The following LOXHD1 variants were observed in gnomAD, a reference collection of about 807,000 sequenced individuals.
The protein encoded by LOXHD1 is lipoxygenase homology domain-containing protein 1.
In LOXHD1, 205 loss-of-function variants were observed where a neutral mutation model predicts 248.2. The ratio of observed to expected loss-of-function variants is 0.83; its 90% confidence interval spans 0.74 to 0.93. LOXHD1 has a LOEUF of 0.93. LOXHD1 is among the 40% of genes least tolerant of loss of function. The pLI, the probability that LOXHD1 is intolerant of heterozygous loss-of-function variation, is 0.00. For synonymous variants in LOXHD1, 1,113 were observed against 1,162.8 expected (o/e 0.96, Z 0.87); for missense variants, 2,930 against 2,971.6 (o/e 0.99, Z 0.33).
At chr18:46,552,130 C>A (rs895483238) in intron 21 of LOXHD1, among the ~76,000 whole-genome samples, 1 of 152,118 alleles carries the variant, frequency 6.6e-6, no homozygotes, top group Non-Finnish European at 1.5e-5. Flanking sequence ...ATCTGATACA[C>A]AACAATGTGA....
intron 34 of LOXHD1, among the ~76,000 whole-genome samples, chr18:46,510,481 C>T (rs944097712): frequency 6.6e-6 from 1 of 152,120 alleles, no homozygotes; most frequent in Non-Finnish European, 1.5e-5. Flanking sequence ...TATCTTTATT[C>T]CTTACTGCTC....
intron 32 of LOXHD1, among the ~76,000 whole-genome samples, 177 bp from the exon 33 acceptor site, chr18:46,521,459 C>T (rs1425511968): frequency 6.6e-6 from 1 of 152,180 alleles, no homozygotes; most frequent in Non-Finnish European, 1.5e-5. Flanking sequence ...AATTAGGTGA[C>T]TTTGAGTAGT....
chr18:46,483,508 T>G, intron 40 of LOXHD1, 79 bp downstream of exon 40: 1 of 1,515,886 alleles, frequency 6.6e-7, no homozygotes, highest in East Asian at 2.5e-5. Context: ...CATACCCTGC[T>G]CTCTTGCCCA....
At chr18:46,563,373 G>C (rs1345112743) in intron 17 of LOXHD1, 148 bp from the exon 18 acceptor site, 2 of 752,742 alleles carry the variant, frequency 2.7e-6, no homozygotes, top group African/African-American at 3.5e-5. Context: ...AACACCCTGA[G>C]TAAGCACAAT....
At chr18:46,535,728 G>A (rs184685745) in intron 26 of LOXHD1, among the ~76,000 whole-genome samples, 88 of 152,150 alleles carry the variant, frequency 5.8e-4, no homozygotes, top group Admixed American at 2.6e-3. Context: ...CTGCCACCAC[G>A]CCCAGCTAAA....
intron 40 of LOXHD1, among the ~76,000 whole-genome samples, chr18:46,478,703 T>A (rs1443592001): frequency 6.6e-6 from 1 of 152,124 alleles, no homozygotes; most frequent in African/African-American, 2.4e-5. Flanking sequence ...TAATTTTTAT[T>A]TTCTTTAGAG....
In LOXHD1 at chr18:46,545,077, C is replaced by T. The variant is rs568875760; in HGVS notation, c.3619+240G>A. On this transcript the variant is annotated intron_variant, in intron 23 of 40. Transcript: ENST00000642948. Reference sequence around the variant, plus strand: ...AAAGTTGGGCAAAGCCATCTTGTCCCAGATTGTTATTGGGTGGAGTCAGGG... The same window carrying T: ...AAAGTTGGGCAAAGCCATCTTGTCCTAGATTGTTATTGGGTGGAGTCAGGG... 1.7e-3 allele frequency among the ~76,000 whole-genome samples: 257 copies of T among 152,214 alleles called. 1 individual carries two copies. The highest frequency in any genetic ancestry group is 3.9e-3 in the South Asian group (19 of 4,818).
At chr18:46,559,154 AC>A in intron 20 of LOXHD1, 1 of 1,390,798 alleles carries the variant, frequency 7.2e-7, no homozygotes, top group Non-Finnish European at 9.5e-7. Context: ...TTCCTCTTGA[AC>A]CCCCGCATCC....
At chr18:46,604,357 G>A in intron 6 of LOXHD1, 128 bp from the exon 7 acceptor site, 1 of 1,289,244 alleles carries the variant, frequency 7.8e-7, no homozygotes, top group Non-Finnish European at 1.1e-6. Context: ...CGTGGCCCAA[G>A]GAAAGCTTAT....
At chr18:46,644,877 G>A (rs73431180) in intron 2 of LOXHD1, among the ~76,000 whole-genome samples, 1 of 152,326 alleles carries the variant, frequency 6.6e-6, no homozygotes, top group African/African-American at 2.4e-5. Context: ...GTATGTGGAA[G>A]CAGGGACACC....
chr18:46,494,186 G>C (rs2033680433), intron 37 of LOXHD1, among the ~76,000 whole-genome samples: 1 of 152,074 alleles, frequency 6.6e-6, no homozygotes, highest in Non-Finnish European at 1.5e-5. Flanking sequence ...ACTAACTTTT[G>C]TGGCTGGTTT....
Position 46,518,205 on chromosome 18 carries a change from C to T in LOXHD1, c.5323G>A (p.Asp1775Asn), listed in dbSNP as rs957356067. 6.4e-7 allele frequency: 1 copy of T among 1,551,700 alleles called. No homozygotes were observed. Residue 1775 changes from aspartate (D) to asparagine (N), a missense_variant, in exon 34 of 41, where the codon GAC becomes AAC. Coordinates refer to ENST00000642948, the MANE Select transcript of LOXHD1 (RefSeq NM_001384474.1). ...WTGDVVGGGT[D>N]SNIFMTLYGI... ...TAGAGGGTCATGAAGATGTTGGAGT[C>T]AGTGCCCCCGCCAACCACATCCCCT...
At chr18:46,526,379 T>A (rs1466956938) in intron 29 of LOXHD1, among the ~76,000 whole-genome samples, 1 of 152,060 alleles carries the variant, frequency 6.6e-6, no homozygotes, top group Non-Finnish European at 1.5e-5. Context: ...CAGAGAGAGA[T>A]TTCCAAGGCA....
At chr18:46,484,779 G>C (rs1282654600) in intron 39 of LOXHD1, among the ~76,000 whole-genome samples, 2 of 152,186 alleles carry the variant, frequency 1.3e-5, no homozygotes, top group African/African-American at 4.8e-5. Context: ...TGTTTGGACT[G>C]AGTAGCACTG....
At chr18:46,599,399 A>G (rs1157636120) in intron 8 of LOXHD1, among the ~76,000 whole-genome samples, 4 of 152,158 alleles carry the variant, frequency 2.6e-5, no homozygotes, top group Non-Finnish European at 4.4e-5. Flanking sequence ...GAACATTTGC[A>G]TATCTCCATG....
chr18:46,507,440 T>C, intron 36 of LOXHD1, 98 bp downstream of exon 36: 2 of 1,390,456 alleles, frequency 1.4e-6, no homozygotes, highest in South Asian at 1.3e-5. Flanking sequence ...TGGAAGGCCT[T>C]ATGAAGAAAA....
Position 46,509,680 on chromosome 18 carries a change from AGGGT to A in LOXHD1, c.5517+14_5517+17del, listed in dbSNP as rs2034829589. 1 of 1,524,062 alleles carries A rather than the reference AGGGT, an allele frequency of 6.6e-7. No individual in the cohort carries two copies. Among genetic ancestry groups the A allele is most frequent in the South Asian group, 1.2e-5 (1 of 83,536 alleles). 94.4% of individuals were successfully genotyped at this position (1,524,062 alleles called of 1,614,324 possible). ...TGGGTGGTGGCTGGAAGGAAGAGTG[AGGGT>A]CTAGACATTTTACCCTCTCCAGGAA... On this transcript the variant is annotated intron_variant, in intron 35 of 40. Coordinates refer to ENST00000642948, the MANE Select transcript of LOXHD1 (RefSeq NM_001384474.1).
intron 8 of LOXHD1, among the ~76,000 whole-genome samples, chr18:46,595,287 A>G (rs969590301): frequency 6.6e-6 from 1 of 152,188 alleles, no homozygotes; most frequent in Non-Finnish European, 1.5e-5. Flanking sequence ...ACCTTAACTT[A>G]TAAGAAGCAC....
Position 46,559,567 on chromosome 18 carries a change from C to G in LOXHD1, c.3097G>C (p.Val1033Leu). ...TYEVQVVTGN[V>L]PKAGTDANVY... ...TTAGCATCAGTGCCGGCCTTGGGCA[C>G]ATTCCCCGTGACCACCTGAACCTCA... The change falls in exon 20 of 41, where the codon GTG (valine) becomes CTG (leucine). Residue 1033 changes from valine to leucine, a missense_variant. Coordinates refer to ENST00000642948, the MANE Select transcript of LOXHD1 (RefSeq NM_001384474.1). The G allele has an allele frequency of 6.4e-7, 1 of 1,551,870 alleles. No individual in the cohort carries two copies. Among genetic ancestry groups the G allele is most frequent in the Non-Finnish European group, 8.7e-7 (1 of 1,147,014 alleles).
Sources: gnomAD v4.1 joint callset for allele counts (sites outside exome capture counted in the v4.1 genomes callset) on GRCh38, gnomAD v4.1.1 for gene constraint, MANE v1.5 for transcripts, NCBI Gene and HGNC (gene_info 2026-07-23, HGNC 2026-07-21) for gene names.